The following FADD variants were observed in gnomAD, a reference collection of about 807,000 sequenced individuals.
The protein encoded by FADD is FAS-associated death domain protein.
Under a neutral mutation model 5.8 loss-of-function variants are expected in FADD, and 3 were observed. The observed-to-expected ratio is 0.52, with a 90% confidence interval of 0.24 to 1.34. The LOEUF (loss-of-function observed/expected upper bound fraction) is 1.34. Ranked by LOEUF, FADD falls within the 40% of genes most tolerant of loss-of-function variation. The probability of loss-of-function intolerance (pLI) is 0.17; values close to 1 mark genes in which losing one functional copy is unlikely to be tolerated. For synonymous variants in FADD, 138 were observed against 130.8 expected, an observed-to-expected ratio of 1.06 and a Z score of -0.38; for missense variants, 249 against 286.7, an observed-to-expected ratio of 0.87 and a Z score of 0.95.
intron 1 of FADD, among the ~76,000 whole-genome samples, chr11:70,204,576 G>T (rs1308205706): frequency 6.6e-6 from 1 of 152,146 alleles, no homozygotes; most frequent in Non-Finnish European, 1.5e-5. Context: ...CTGTAGCTTG[G>T]AATCAGCCAT....
Position 70,206,533 on chromosome 11 carries a change from C to T in FADD, c.*60C>T, listed in dbSNP as rs2049463024. The T allele has an allele frequency of 2.0e-6, 3 of 1,525,400 alleles. No homozygotes were observed. The highest frequency in any genetic ancestry group is 1.8e-6 in the Non-Finnish European group (2 of 1,111,206). 94.5% of individuals were successfully genotyped at this position (1,525,400 alleles called of 1,614,324 possible). On this transcript the variant is annotated 3_prime_UTR_variant, in exon 2 of 2. Transcript: ENST00000301838. ...TCTACACAGCCTGGACTTTGGTTCT[C>T]TCCAGGAAGGTAGCCCAGCACTGTG...
intron 1 of FADD, among the ~76,000 whole-genome samples, chr11:70,204,978 G>C (rs1483949437): frequency 3.9e-5 from 6 of 152,158 alleles, no homozygotes; most frequent in African/African-American, 1.4e-4. Flanking sequence ...CAGCATAGCG[G>C]TTAAGGGTCG....
chr11:70,203,855 G>C, intron 1 of FADD, 110 bp downstream of exon 1: 1 of 497,384 alleles, frequency 2.0e-6, no homozygotes, highest in East Asian at 3.6e-5. Context: ...GGTTTGATTT[G>C]CGTGGGTTTT....
rs776127935 is a variant in FADD, at chr11:70,203,759, C to T, written c.286+14C>T. On this transcript the variant is annotated intron_variant, in intron 1 of 1. Transcript: ENST00000301838. ...CTGGGGAAGAAGGTGGGCGCGGGGC[C>T]GGGCCGGGGGAGCCAGGGCCTGGTC... 4 of 1,269,074 alleles carry T rather than the reference C, an allele frequency of 3.2e-6. No individual in the cohort carries two copies. The East Asian group carries it at 1.3e-4, about 40-fold the overall frequency. The allele number at this position is 1,269,074 out of a possible 1,614,324, so 78.6% of individuals were successfully genotyped here.
At position 70,206,254 on chromosome 11, in the gene FADD, C is replaced by A. The variant is rs1359103210; in HGVS notation, c.408C>A (p.Asn136Lys). The change falls in exon 2 of 2, where the codon AAC becomes AAA. Residue 136 changes from asparagine to lysine, a missense_variant. Coordinates refer to ENST00000301838, the MANE Select transcript of FADD (RefSeq NM_003824.4). ...GCATCGAGGACAGATACCCCCGCAA[C>A]CTGACAGAGCGTGTGCGGGAGTCAC... Reference protein sequence around the residue: ...IDSIEDRYPRNLTERVRESLR... With the variant: ...IDSIEDRYPRKLTERVRESLR... 6.2e-7 allele frequency: 1 copy of A among 1,614,152 alleles called. No individual in the cohort carries two copies. Among genetic ancestry groups the A allele is most frequent in the East Asian group, 2.2e-5 (1 of 44,884 alleles).
chr11:70,204,678 C>T (rs750938962), intron 1 of FADD, among the ~76,000 whole-genome samples: 13 of 152,156 alleles, frequency 8.5e-5, no homozygotes, highest in Non-Finnish European at 1.6e-4. Flanking sequence ...GACAGAACAG[C>T]TCTCTGCCTG....
At position 70,203,534 on chromosome 11, in the gene FADD, C is replaced by T. The variant is rs1352298840; in HGVS notation, c.75C>T (p.Phe25=). 3.1e-6 allele frequency: 5 copies of T among 1,611,760 alleles called. No individual in the cohort carries two copies. In the Admixed American group the frequency reaches 5.0e-5, roughly 16 times the overall value. Residue 25 remains phenylalanine, a synonymous_variant, in exon 1 of 2, where the codon TTC becomes TTT. Coordinates refer to ENST00000301838, the MANE Select transcript of FADD (RefSeq NM_003824.4). ...LSSSELTELK[F]LCLGRVGKRK... is the part of the protein sequence containing the mutation. ...GCAGCGAGCTGACCGAGCTCAAGTT[C>T]CTATGCCTCGGGCGCGTGGGCAAGC...
At chr11:70,205,672 T>G (rs528304462) in intron 1 of FADD, among the ~76,000 whole-genome samples, 6 of 152,286 alleles carry the variant, frequency 3.9e-5, no homozygotes, top group Admixed American at 1.3e-4. Context: ...CTCAAGACCC[T>G]CAGCTTACCT....
At position 70,203,552 on chromosome 11, in the gene FADD, G is replaced by A; in HGVS notation, c.93G>A (p.Val31=). The change falls in exon 1 of 2, where the codon GTG becomes GTA. Residue 31 remains valine, a synonymous_variant. Coordinates refer to ENST00000301838, the MANE Select transcript of FADD (RefSeq NM_003824.4). ...TCAAGTTCCTATGCCTCGGGCGCGTGGGCAAGCGCAAGCTGGAGCGCGTGC... is the reference window on the plus strand; with the variant it reads ...TCAAGTTCCTATGCCTCGGGCGCGTAGGCAAGCGCAAGCTGGAGCGCGTGC... ...TELKFLCLGR[V]GKRKLERVQS... is the part of the protein sequence containing the mutation. The A allele has an allele frequency of 1.9e-6, 3 of 1,612,402 alleles. No individual in the cohort carries two copies. The highest frequency in any genetic ancestry group is 2.5e-6 in the Non-Finnish European group (3 of 1,179,600).
rs1232883211 is a variant in FADD at position 70,206,734 on chromosome 11, G to A, written c.*261G>A. ...TTGTCTCCACTAAATGAGCTCCTGC[G>A]GGAGTAGTTGGAAAGTTGGAACCGT... On this transcript the variant is annotated 3_prime_UTR_variant, in exon 2 of 2. Coordinates refer to ENST00000301838, the MANE Select transcript of FADD (RefSeq NM_003824.4). The A allele has an allele frequency of 2.4e-5, 12 of 505,578 alleles. No individual in the cohort carries two copies. The highest frequency in any genetic ancestry group is 1.0e-4 in the South Asian group (5 of 48,942). The allele number at this position is 505,578 out of a possible 1,614,324, so 31.3% of individuals were successfully genotyped here.
At chr11:70,205,925 AG>A (rs1006564939) in intron 1 of FADD, among the ~76,000 whole-genome samples, 1 of 150,604 alleles carries the variant, frequency 6.6e-6, no homozygotes, top group Non-Finnish European at 1.5e-5. Context: ...ATTAGAGAGC[AG>A]GGGGTTTGGC....
rs78879392 is a variant in FADD, at chr11:70,207,021, G to T, written c.*548G>T. 23 of 115,236 alleles carry T rather than the reference G, an allele frequency of 2.0e-4. No homozygotes were observed. Among genetic ancestry groups the T allele is most frequent in the South Asian group, 4.7e-4 (2 of 4,212 alleles). The allele number at this position is 115,236 out of a possible 1,614,324, so 7.1% of individuals were successfully genotyped here. On this transcript the variant is annotated 3_prime_UTR_variant, in exon 2 of 2. Transcript: ENST00000301838. ...ACACTAGGGTCAGGCGGGGTGCTGT[G>T]GTGGGGAGAGGCATGGCTGGGGTGG...
At chr11:70,204,000 C>A (rs777325459) in intron 1 of FADD, among the ~76,000 whole-genome samples, 18 of 152,232 alleles carry the variant, frequency 1.2e-4, no homozygotes, top group Admixed American at 2.6e-4. Flanking sequence ...AGAAAACTCA[C>A]TGAAGAAAAG....
rs2049468625 is a variant in FADD, at chr11:70,207,101, GTCTCC to G, written c.*633_*637del. Reference sequence around the variant, plus strand: ...AGCTCTTGGCCCCTGTGTGAGTTGAGTCTCCTCTCTGAGACTGCTAAGTAGGGGCA... The same window carrying G: ...AGCTCTTGGCCCCTGTGTGAGTTGAGTCTCTGAGACTGCTAAGTAGGGGCA... On this transcript the variant is annotated 3_prime_UTR_variant, in exon 2 of 2. Transcript: ENST00000301838. The G allele has an allele frequency of 6.2e-6, 1 of 160,006 alleles. No individual in the cohort carries two copies. Among genetic ancestry groups the G allele is most frequent in the African/African-American group, 2.4e-5 (1 of 41,466 alleles). The allele number at this position is 160,006 out of a possible 1,614,324, so 9.9% of individuals were successfully genotyped here.
intron 1 of FADD, among the ~76,000 whole-genome samples, chr11:70,203,972 C>T (rs979227732): frequency 5.9e-5 from 9 of 151,856 alleles, no homozygotes; most frequent in Admixed American, 4.6e-4. Flanking sequence ...CCTCCACCCA[C>T]TTCTGCCCGG....
chr11:70,205,337 G>T (rs112765059), intron 1 of FADD, among the ~76,000 whole-genome samples: 2 of 152,114 alleles, frequency 1.3e-5, no homozygotes, highest in Non-Finnish European at 2.9e-5. Flanking sequence ...GTGGTCACTC[G>T]GGGCAGCTTT....
At chr11:70,204,099 G>A (rs535857274) in intron 1 of FADD, among the ~76,000 whole-genome samples, 2 of 152,208 alleles carry the variant, frequency 1.3e-5, no homozygotes, top group Non-Finnish European at 2.9e-5. Flanking sequence ...TGCTTTTCAC[G>A]GCTGTCTGAG....
rs920314127 is a variant in FADD at position 70,203,344 on chromosome 11, G to T, written c.-116G>T. 12 of 1,510,444 alleles carry T rather than the reference G, an allele frequency of 7.9e-6. No homozygotes were observed. In the African/African-American group the frequency reaches 1.1e-4, roughly 14 times the overall value. 93.6% of individuals were successfully genotyped at this position (1,510,444 alleles called of 1,614,324 possible). ...AATCAGGCACCGGAGTGCAGGTTCG[G>T]GGGTGGAATCCTTGGGCCGCTGGGC... On this transcript the variant is annotated 5_prime_UTR_variant, in exon 1 of 2. Transcript: ENST00000301838.
In FADD at chr11:70,206,338, T is replaced by C. The variant is rs754513696; in HGVS notation, c.492T>C (p.Ala164=). 1 of 1,614,144 alleles carries C rather than the reference T, an allele frequency of 6.2e-7. No individual in the cohort carries two copies. The highest frequency in any genetic ancestry group is 1.1e-5 in the South Asian group (1 of 91,078). ...ENATVAHLVG[A]LRSCQMNLVA... ...CAACAGTGGCCCACCTGGTGGGGGC[T>C]CTCAGGTCCTGCCAGATGAACCTGG... The change falls in exon 2 of 2, where the codon GCT becomes GCC. Residue 164 remains alanine (A), a synonymous_variant. Coordinates refer to ENST00000301838, the MANE Select transcript of FADD (RefSeq NM_003824.4).
Sources: allele counts gnomAD v4.1 joint callset (sites outside exome capture counted in the v4.1 genomes callset), GRCh38; gene constraint gnomAD v4.1.1; transcripts MANE v1.5; gene names NCBI Gene and HGNC (gene_info 2026-07-23, HGNC 2026-07-21).